CNIH3: variants seen among roughly 807,000 people sequenced by gnomAD.
CNIH3 encodes the protein protein cornichon homolog 3.
A neutral mutation model predicts 24.1 loss-of-function variants in CNIH3; 14 were observed. That is an observed-to-expected ratio of 0.58 (90% confidence interval 0.38 to 0.91). The LOEUF (loss-of-function observed/expected upper bound fraction) is 0.91, where lower values mean the gene tolerates loss of function less well. CNIH3 is among the 40% of genes least tolerant of loss of function. The probability of loss-of-function intolerance (pLI) is 0.00; values close to 1 mark genes in which losing one functional copy is unlikely to be tolerated. For synonymous variants in CNIH3, 68 were observed against 73.8 expected, an observed-to-expected ratio of 0.92 and a Z score of 0.40; for missense variants, 178 against 196.8, an observed-to-expected ratio of 0.90 and a Z score of 0.57.
At position 224,654,497 on chromosome 1, in the gene CNIH3, C is replaced by T. The variant is rs575968084; in HGVS notation, c.82-26461C>T. 5.3e-5 allele frequency among the ~76,000 whole-genome samples: 8 copies of T among 152,298 alleles called. No homozygotes were observed. The South Asian group carries it at 1.7e-3, about 32-fold the overall frequency. On this transcript the variant is annotated intron_variant, in intron 1 of 5. Coordinates refer to ENST00000272133, the MANE Select transcript of CNIH3 (RefSeq NM_152495.2). ...AGAAGATATTCTATATGCTGATATACAGCTTTTTCTTCCTTTCTTTGGTCA... is the reference window on the plus strand; with the variant it reads ...AGAAGATATTCTATATGCTGATATATAGCTTTTTCTTCCTTTCTTTGGTCA...
At chr1:224,587,602 T>G (rs1429257859) in intron 5 of CNIH3, among the ~76,000 whole-genome samples, 1 of 152,076 alleles carries the variant, frequency 6.6e-6, no homozygotes, top group Non-Finnish European at 1.5e-5. Context: ...ATTGAAAAAT[T>G]TAAGATCTGT....
At chr1:224,636,035 C>T (rs1344164788) in intron 1 of CNIH3, among the ~76,000 whole-genome samples, 3 of 152,128 alleles carry the variant, frequency 2.0e-5, no homozygotes, top group Non-Finnish European at 4.4e-5. Flanking sequence ...TGGAATGTTT[C>T]GTTTAAGAAA....
upstream of CNIH3, among the ~76,000 whole-genome samples, chr1:224,612,722 C>CT (rs918503325): frequency 6.6e-6 from 1 of 152,098 alleles, no homozygotes; most frequent in African/African-American, 2.4e-5. This position sits in a 1 kb window ranked among gnomAD's most constrained non-coding sequence, Gnocchi z 4.7. Context: ...GAAAACTTTT[C>CT]AAAACAAGTT....
chr1:224,738,342 C>T (rs912739443), intron 5 of CNIH3, among the ~76,000 whole-genome samples: 9 of 152,198 alleles, frequency 5.9e-5, no homozygotes, highest in Non-Finnish European at 8.8e-5. Context: ...TGTGGCTTCT[C>T]GCCCTGCTGT....
chr1:224,583,712 G>A (rs924686013), intron 5 of CNIH3, among the ~76,000 whole-genome samples: 3 of 152,136 alleles, frequency 2.0e-5, no homozygotes, highest in African/African-American at 4.8e-5. Flanking sequence ...CTGTTGTAGA[G>A]CCTATGGAGT....
At chr1:224,621,426 A>G (rs968528497) in intron 1 of CNIH3, among the ~76,000 whole-genome samples, 3 of 152,184 alleles carry the variant, frequency 2.0e-5, no homozygotes, top group Non-Finnish European at 4.4e-5. Context: ...GGTTGACAAT[A>G]AATAGCCTGT....
In CNIH3 at chr1:224,440,034, C is replaced by T. The variant is rs540930653; in HGVS notation, n.203+5172C>T. On this transcript the variant is annotated intron_variant and non_coding_transcript_variant, in intron 1 of 5. Transcript: ENST00000471578. ...CGATCTCCTGACCTCGTGATCTGCC[C>T]GCCTCGGCCTCCCAAAGTGTTGGGA... 3.1e-3 allele frequency among the ~76,000 whole-genome samples: 478 copies of T among 152,112 alleles called. 1 individual carries two copies. Among genetic ancestry groups the T allele is most frequent in the African/African-American group, 0.011 (436 of 41,492 alleles).
chr1:224,556,401 T>A (rs1391515685), intron 3 of CNIH3, among the ~76,000 whole-genome samples: 1 of 152,200 alleles, frequency 6.6e-6, no homozygotes, highest in Non-Finnish European at 1.5e-5. Context: ...TAGATTCTAT[T>A]CCAAACTGGC....
intron 1 of CNIH3, among the ~76,000 whole-genome samples, chr1:224,642,049 A>G (rs1210406635): frequency 1.3e-5 from 2 of 152,194 alleles, no homozygotes; most frequent in African/African-American, 2.4e-5. Context: ...AGGGCTGGTT[A>G]TGCTCCGTTT....
Position 224,684,091 on chromosome 1 carries a change from G to T in CNIH3, c.151-705G>T, listed in dbSNP as rs1686533206. Among the ~76,000 whole-genome samples the T allele has an allele frequency of 6.6e-6, 1 of 152,338 alleles. No individual in the cohort carries two copies. The highest frequency in any genetic ancestry group is 2.4e-5 in the African/African-American group (1 of 41,582). ...AAGCACCGGGAGATGCCACAGCTGT[G>T]TTCAGTGTGGCTTTGGAAATCGTTA... On this transcript the variant is annotated intron_variant, in intron 2 of 5. Transcript: ENST00000272133. This position sits in a 1 kb window ranked among gnomAD's most constrained non-coding sequence, Gnocchi z 4.2.
intron 1 of CNIH3, among the ~76,000 whole-genome samples, chr1:224,629,478 C>T (rs1683710702): frequency 6.6e-6 from 1 of 152,134 alleles, no homozygotes; most frequent in Non-Finnish European, 1.5e-5. Context: ...AAATATTTTA[C>T]AGAGTTTGAC....
chr1:224,445,437 G>A (rs1440174049), intron 1 of CNIH3, among the ~76,000 whole-genome samples: 3 of 151,876 alleles, frequency 2.0e-5, no homozygotes, highest in Non-Finnish European at 2.9e-5. Flanking sequence ...TTAGCCGGGC[G>A]TGGTGGCGCA....
intron 1 of CNIH3, among the ~76,000 whole-genome samples, chr1:224,506,334 G>A (rs999202896): frequency 3.3e-5 from 5 of 152,142 alleles, no homozygotes; most frequent in South Asian, 2.1e-4. Context: ...AGAACCGTGG[G>A]ATGTAAAAGA....
rs957748512 is a variant in CNIH3, at chr1:224,574,704, G to A, written n.516+8440G>A. The A allele has an allele frequency of 4.4e-5, 53 of 1,192,660 alleles. No individual in the cohort carries two copies. The African/African-American group carries it at 6.9e-4, about 15-fold the overall frequency. 73.9% of individuals were successfully genotyped at this position (1,192,660 alleles called of 1,614,324 possible). A position where few individuals can be genotyped will look rare whatever the true frequency, so the allele number is the denominator to read the frequency against. ...GTACCATGAGAAGGGCCTGGTGAAA[G>A]GAGCCTGCCAGAAGATGCTCATTGA... On this transcript the variant is annotated intron_variant and non_coding_transcript_variant, in intron 4 of 5. Transcript: ENST00000471578.
At chr1:224,446,214 T>C (rs1675158752) in intron 1 of CNIH3, among the ~76,000 whole-genome samples, 1 of 20,676 alleles carries the variant, frequency 4.8e-5, no homozygotes, top group Non-Finnish European at 2.5e-4. Flanking sequence ...TCAACTTTGT[T>C]TTTTTTTTTT....
intron 1 of CNIH3, among the ~76,000 whole-genome samples, chr1:224,468,965 A>C (rs1021572006): frequency 1.3e-5 from 2 of 151,128 alleles, no homozygotes; most frequent in African/African-American, 4.9e-5. Context: ...AAGTTGAGTC[A>C]GTTCCTCTCT....
At position 224,616,379 on chromosome 1, in the gene CNIH3, C is replaced by A; in HGVS notation, c.-796C>A. ...CAGCAGCAGGTGGAGCGAGCTACAG[C>A]GTTTGGCCTGAAACCCACTGCTGCA... On this transcript the variant is annotated 5_prime_UTR_variant, in exon 1 of 6. Transcript: ENST00000272133. The A allele has an allele frequency of 2.7e-6, 2 of 742,318 alleles. No homozygotes were observed. Among genetic ancestry groups the A allele is most frequent in the Non-Finnish European group, 1.7e-6 (1 of 594,976 alleles). 46.0% of individuals were successfully genotyped at this position (742,318 alleles called of 1,614,324 possible). A position where few individuals can be genotyped will look rare whatever the true frequency, so the allele number is the denominator to read the frequency against.
intron 1 of CNIH3, among the ~76,000 whole-genome samples, chr1:224,487,258 T>A (rs1677064436): frequency 6.6e-6 from 1 of 152,152 alleles, no homozygotes; most frequent in Non-Finnish European, 1.5e-5. Context: ...ACACCAGCTG[T>A]GATATTTTTA....
chr1:224,529,581 C>G (rs557261242), intron 2 of CNIH3, among the ~76,000 whole-genome samples: 4 of 152,172 alleles, frequency 2.6e-5, no homozygotes, highest in Non-Finnish European at 5.9e-5. Flanking sequence ...CTATAGCCTC[C>G]TCTAGATTCA....
Sources: allele counts gnomAD v4.1 joint callset (sites outside exome capture counted in the v4.1 genomes callset), GRCh38; gene constraint gnomAD v4.1.1; non-coding constraint Gnocchi (gnomAD v3.1); transcripts MANE v1.5; gene names NCBI Gene and HGNC (gene_info 2026-07-23, HGNC 2026-07-21).